Variants in CATSPERB observed in about 807,000 individuals in gnomAD.
CATSPERB encodes the protein catsper channel auxiliary subunit beta, also known as cation channel sperm-associated auxiliary subunit beta.
CATSPERB carries 93 observed loss-of-function variants against 128.3 expected under a neutral mutation model. That is an observed-to-expected ratio of 0.72 (90% CI 0.61 to 0.86). CATSPERB has a LOEUF of 0.86. Among genes scored for constraint, CATSPERB ranks in the 40% least tolerant of loss-of-function variants. The pLI is 0.00. For synonymous variants in CATSPERB, 381 were observed against 448.8 expected (o/e 0.85, Z 1.91); for missense variants, 1,153 against 1,329.5 (o/e 0.87, Z 2.06).
At chr14:91,619,043 C>T (rs575978589) in intron 19 of CATSPERB, among the ~76,000 whole-genome samples, 4 of 152,308 alleles carry the variant, frequency 2.6e-5, no homozygotes, top group African/African-American at 9.6e-5. Flanking sequence ...AAACTGAACA[C>T]ATATAACTGA....
intron 7 of CATSPERB, among the ~76,000 whole-genome samples, chr14:91,694,438 C>CAAAAAAAAA (rs547649333): frequency 3.0e-5 from 2 of 65,768 alleles, no homozygotes; most frequent in Admixed American, 2.1e-4. Flanking sequence ...GACCCTATCT[C>CAAAAAAAAA]AAAAAAAAAA....
chr14:91,604,607 C>A, intron 22 of CATSPERB: 3 of 1,611,016 alleles, frequency 1.9e-6, no homozygotes, highest in East Asian at 2.2e-5. Context: ...ATAGAAGGGA[C>A]TGTTCCAGGC....
chr14:91,615,786 A>G (rs1394592773), intron 20 of CATSPERB, among the ~76,000 whole-genome samples: 1 of 152,116 alleles, frequency 6.6e-6, no homozygotes, highest in Admixed American at 6.5e-5. Flanking sequence ...TTTTTGACAA[A>G]TGGATTTGAA....
At chr14:91,713,285 G>A (rs978168383) in intron 5 of CATSPERB, among the ~76,000 whole-genome samples, 2 of 148,978 alleles carry the variant, frequency 1.3e-5, no homozygotes, top group African/African-American at 5.0e-5. Flanking sequence ...AACAAACTAG[G>A]AAAAAAAAAA....
chr14:91,653,971 C>G (rs888738028), intron 15 of CATSPERB, among the ~76,000 whole-genome samples: 1 of 152,112 alleles, frequency 6.6e-6, no homozygotes, highest in African/African-American at 2.4e-5. Context: ...TTCACCTACA[C>G]TATGTTAGAG....
At chr14:91,623,743 T>G (rs1218623949) in intron 18 of CATSPERB, among the ~76,000 whole-genome samples, 1 of 152,238 alleles carries the variant, frequency 6.6e-6, no homozygotes, top group Admixed American at 6.5e-5. Flanking sequence ...TGTTGAGAGC[T>G]AAGTCAGATC....
chr14:91,654,263 T>A (rs1411743856), intron 15 of CATSPERB, among the ~76,000 whole-genome samples: 3 of 152,198 alleles, frequency 2.0e-5, no homozygotes, highest in Non-Finnish European at 4.4e-5. Flanking sequence ...TCAGCTTGGG[T>A]ACCAGCTTGG....
At chr14:91,693,323 T>C in intron 8 of CATSPERB, 61 bp downstream of exon 8, 2 of 1,540,182 alleles carry the variant, frequency 1.3e-6, no homozygotes, top group Non-Finnish European at 1.8e-6. Context: ...ATTTTATAGA[T>C]ATTAATCAAA....
At position 91,589,602 on chromosome 14, in the gene CATSPERB, C is replaced by T. The variant is rs201248737; in HGVS notation, c.2888G>A (p.Arg963His). The part of the protein sequence containing the change: ...VSLEIINEDG[R>H]VPLQSPYLVT... ...CAGATATGGAGATTGCAATGGGACA[C>T]GTCCATCCTCGTTGATAATTTCCAA... The change falls in exon 24 of 27, where the codon CGT (arginine) becomes CAT (histidine). Residue 963 changes from arginine (R) to histidine (H), a missense_variant. Transcript: ENST00000256343. 6.8e-6 allele frequency: 11 copies of T among 1,613,368 alleles called. No homozygotes were observed. Among genetic ancestry groups the T allele is most frequent in the Middle Eastern group, 1.6e-4 (1 of 6,084 alleles).
chr14:91,691,518 C>T lies in CATSPERB; in HGVS notation c.864+5G>A. On this transcript the variant is annotated splice_donor_5th_base_variant and intron_variant, in intron 10 of 26. Transcript: ENST00000256343. ...ACCAGCCCTGGGAAATATAAAGCTT[C>T]TTACCCTTTCAAAACCACAAAAGTC... The T allele has an allele frequency of 6.2e-7, 1 of 1,601,386 alleles. No individual in the cohort carries two copies. The highest frequency in any genetic ancestry group is 8.5e-7 in the Non-Finnish European group (1 of 1,173,752).
At chr14:91,715,281 G>A (rs1443440934) in intron 5 of CATSPERB, among the ~76,000 whole-genome samples, 1 of 152,118 alleles carries the variant, frequency 6.6e-6, no homozygotes, top group Non-Finnish European at 1.5e-5. Flanking sequence ...GACTCTCCCA[G>A]CAAGGCATGG....
intron 22 of CATSPERB, chr14:91,603,182 T>G: frequency 2.5e-6 from 2 of 795,282 alleles, no homozygotes; most frequent in South Asian, 2.7e-5. Context: ...CCTTTCAATA[T>G]CTTGTCTTTC....
chr14:91,604,747 C>G (rs1450513140), intron 22 of CATSPERB: 2 of 1,613,698 alleles, frequency 1.2e-6, no homozygotes, highest in Non-Finnish European at 1.7e-6. Context: ...TTGGAAAGTT[C>G]CCAGTCATGT....
At position 91,665,823 on chromosome 14, in the gene CATSPERB, C is replaced by T. The variant is rs151168226; in HGVS notation, c.1287+3991G>A. ...AGGTGGTGGTCGCAGTGAGCCTGGG[C>T]GACAGAACAAGACTCCGTCTCAAAA... On this transcript the variant is annotated intron_variant, in intron 14 of 26. Transcript: ENST00000256343. Among the ~76,000 whole-genome samples the T allele has an allele frequency of 9.0e-3, 1,369 of 151,878 alleles. 16 individuals are homozygous for T. Among genetic ancestry groups the T allele is most frequent in the Middle Eastern group, 0.044 (13 of 294 alleles).
chr14:91,693,116 A>C lies in CATSPERB; in HGVS notation c.831+10T>G. ...AAGATTAGCTATTAGTTACAAAGCA[A>C]TTTACATACCGATAAGCTGTGGCGT... On this transcript the variant is annotated intron_variant, in intron 9 of 26. Transcript: ENST00000256343. 6.4e-7 allele frequency: 1 copy of C among 1,566,430 alleles called. No individual in the cohort carries two copies. Among genetic ancestry groups the C allele is most frequent in the South Asian group, 1.1e-5 (1 of 88,822 alleles).
chr14:91,610,828 T>C (rs1893811907), intron 20 of CATSPERB, 151 bp from the exon 21 acceptor site: 1 of 691,746 alleles, frequency 1.4e-6, no homozygotes, highest in Admixed American at 2.8e-5. Context: ...GTAATTAAGG[T>C]AAAATGAGGT....
At chr14:91,685,067 C>T (rs966250329) in intron 10 of CATSPERB, among the ~76,000 whole-genome samples, 1 of 152,082 alleles carries the variant, frequency 6.6e-6, no homozygotes, top group Non-Finnish European at 1.5e-5. Context: ...GCTGGGACTA[C>T]AGGTGTGCAC....
intron 2 of CATSPERB, among the ~76,000 whole-genome samples, chr14:91,728,522 T>C (rs1188985693): frequency 6.6e-6 from 1 of 152,176 alleles, no homozygotes; most frequent in African/African-American, 2.4e-5. Flanking sequence ...CTTCTGGGCT[T>C]GGGTGGTAAA....
chr14:91,611,205 T>C (rs1893819287), intron 20 of CATSPERB, among the ~76,000 whole-genome samples: 1 of 152,298 alleles, frequency 6.6e-6, no homozygotes, highest in South Asian at 2.1e-4. Flanking sequence ...TATTTGACCA[T>C]AAAGATCTGT....
Sources: allele counts gnomAD v4.1 joint callset (sites outside exome capture counted in the v4.1 genomes callset), GRCh38; gene constraint gnomAD v4.1.1; transcripts MANE v1.5; gene names NCBI Gene and HGNC (gene_info 2026-07-23, HGNC 2026-07-21).